The following ASCC3 variants were observed in gnomAD, a reference collection of about 807,000 sequenced individuals.
The protein encoded by ASCC3 is ASC-1 complex subunit P200.
A neutral mutation model predicts 256.3 loss-of-function variants in ASCC3; 158 were observed. The observed-to-expected ratio is 0.62, with a 90% CI of 0.54 to 0.70. The LOEUF (loss-of-function observed/expected upper bound fraction) is 0.70. Among genes scored for constraint, ASCC3 ranks in the 30% least tolerant of loss-of-function variants. The pLI, the probability that ASCC3 is intolerant of heterozygous loss-of-function variation, is 0.00. For missense variants in ASCC3, 2,259 were observed against 2,626.0 expected, an observed-to-expected ratio of 0.86 and a Z score of 3.05; for synonymous variants, 948 against 883.4, an observed-to-expected ratio of 1.07 and a Z score of -1.30.
At chr6:100,773,055 A>AT (rs1188754588) in intron 8 of ASCC3, among the ~76,000 whole-genome samples, 1 of 152,166 alleles carries the variant, frequency 6.6e-6, no homozygotes, top group Non-Finnish European at 1.5e-5. Context: ...ATACCAGAAT[A>AT]TTTTATAGAT....
At chr6:100,592,789 TA>T (rs1413731365) in intron 34 of ASCC3, among the ~76,000 whole-genome samples, 2 of 152,084 alleles carry the variant, frequency 1.3e-5, no homozygotes, top group Non-Finnish European at 2.9e-5. Context: ...AACAGCTAAG[TA>T]AAAAGGTCTG....
rs370669603 is a variant in ASCC3, at chr6:100,784,667, A to T, written c.1395+14046T>A. ...ATTAATACAAAAACATTCTGGAAAG[A>T]TATATATCAAAGAATTCTGCTAAAG... On this transcript the variant is annotated intron_variant, in intron 8 of 41. Coordinates refer to ENST00000369162, the MANE Select transcript of ASCC3 (RefSeq NM_006828.4). 1.3e-3 allele frequency among the ~76,000 whole-genome samples: 203 copies of T among 152,214 alleles called. 6 individuals are homozygous for T. The South Asian group carries it at 0.027, about 20-fold the overall frequency.
chr6:100,742,704 T>C (rs533280742), intron 10 of ASCC3, among the ~76,000 whole-genome samples: 7 of 152,166 alleles, frequency 4.6e-5, no homozygotes, highest in Non-Finnish European at 4.4e-5. Flanking sequence ...TCTAGACCAT[T>C]TGGACTCTCC....
intron 30 of ASCC3, among the ~76,000 whole-genome samples, chr6:100,619,179 T>C (rs1312093847): frequency 6.6e-6 from 1 of 152,200 alleles, no homozygotes; most frequent in Non-Finnish European, 1.5e-5. Flanking sequence ...TCTTTTGAAA[T>C]CACAGACAAA....
At chr6:100,836,642 C>T (rs1038564616) in intron 4 of ASCC3, among the ~76,000 whole-genome samples, 6 of 152,034 alleles carry the variant, frequency 3.9e-5, no homozygotes, top group Non-Finnish European at 7.4e-5. Context: ...ATTTGGATTG[C>T]TAGTACTTTG....
chr6:100,830,018 AG>A (rs2114454345), intron 4 of ASCC3, among the ~76,000 whole-genome samples: 1 of 152,170 alleles, frequency 6.6e-6, no homozygotes, highest in Non-Finnish European at 1.5e-5. Context: ...TTCACGTCCC[AG>A]GCAGGACAGA....
chr6:100,871,511 G>A (rs1383128415), intron 1 of ASCC3, among the ~76,000 whole-genome samples: 1 of 152,068 alleles, frequency 6.6e-6, no homozygotes. Context: ...GTTCACACCT[G>A]TAATCCCAGC....
At chr6:100,537,229 T>A (rs1775204548) in intron 37 of ASCC3, among the ~76,000 whole-genome samples, 1 of 152,176 alleles carries the variant, frequency 6.6e-6, no homozygotes, top group Non-Finnish European at 1.5e-5. Context: ...AGCCTCCTGA[T>A]ATGATACACT....
rs971420409 is a variant in ASCC3 at position 100,798,956 on chromosome 6, T to C, written c.1270-118A>G. ...GGTTTTATAACAAAGCACTGGTAAA[T>C]AAACTTAGCTAATTTAAAAGAAAAC... On this transcript the variant is annotated intron_variant, in intron 7 of 41. Transcript: ENST00000369162. 3 of 929,496 alleles carry C rather than the reference T, an allele frequency of 3.2e-6. No individual in the cohort carries two copies. The African/African-American group carries it at 5.1e-5, about 16-fold the overall frequency. The allele number at this position is 929,496 out of a possible 1,614,324, so 57.6% of individuals were successfully genotyped here. A position where few individuals can be genotyped will look rare whatever the true frequency, so the allele number is the denominator to read the frequency against.
intron 10 of ASCC3, among the ~76,000 whole-genome samples, chr6:100,736,249 A>C (rs996712957): frequency 6.6e-6 from 1 of 152,232 alleles, no homozygotes; most frequent in Non-Finnish European, 1.5e-5. Context: ...TAGGTTTAAA[A>C]AGTTCCTTTT....
chr6:100,632,293 C>T (rs2114868991), intron 25 of ASCC3, among the ~76,000 whole-genome samples: 1 of 148,330 alleles, frequency 6.7e-6, no homozygotes, highest in Middle Eastern at 3.7e-3. Flanking sequence ...ACAATGAAAA[C>T]TATAAAACAT....
At chr6:100,544,904 C>G (rs954416474) in intron 36 of ASCC3, among the ~76,000 whole-genome samples, 2 of 152,058 alleles carry the variant, frequency 1.3e-5, no homozygotes, top group African/African-American at 4.8e-5. Context: ...CGTAAAAATT[C>G]TAAACAAAAT....
chr6:100,668,701 T>C (rs1274634493), intron 14 of ASCC3, among the ~76,000 whole-genome samples: 3 of 151,924 alleles, frequency 2.0e-5, no homozygotes, highest in Non-Finnish European at 2.9e-5. Flanking sequence ...CATCAATGCA[T>C]TAAAACAAAA....
chr6:100,510,330 C>T (rs1165948486), intron 40 of ASCC3: 9 of 530,842 alleles, frequency 1.7e-5, no homozygotes, highest in Admixed American at 1.3e-4. Flanking sequence ...GACACTAGTT[C>T]GTAGTTGTAA....
intron 37 of ASCC3, chr6:100,530,583 T>C: frequency 1.3e-6 from 1 of 788,530 alleles, no homozygotes; most frequent in Admixed American, 1.7e-5. Context: ...CATTAGTGTG[T>C]TGATTATTGC....
At chr6:100,809,506 T>C (rs188042789) in intron 4 of ASCC3, among the ~76,000 whole-genome samples, 7 of 152,110 alleles carry the variant, frequency 4.6e-5, no homozygotes, top group Non-Finnish European at 1.0e-4. Context: ...ATCACTGTTG[T>C]ATATAGTCCG....
At chr6:100,742,510 C>T (rs1780484094) in intron 10 of ASCC3, among the ~76,000 whole-genome samples, 1 of 152,202 alleles carries the variant, frequency 6.6e-6, no homozygotes, top group Non-Finnish European at 1.5e-5. Flanking sequence ...CTGCCCCTAA[C>T]TGCAGGAGCT....
At chr6:100,567,338 T>C (rs1770317799) in intron 36 of ASCC3, among the ~76,000 whole-genome samples, 1 of 152,174 alleles carries the variant, frequency 6.6e-6, no homozygotes, top group Non-Finnish European at 1.5e-5. Flanking sequence ...GTGGATGGCA[T>C]TCCATGACTA....
intron 10 of ASCC3, among the ~76,000 whole-genome samples, chr6:100,753,401 T>G (rs1016592538): frequency 2.0e-5 from 3 of 151,230 alleles, no homozygotes; most frequent in Non-Finnish European, 4.4e-5. Flanking sequence ...TACTTTAGCA[T>G]CCAATGAAAA....
Sources: allele counts gnomAD v4.1 joint callset (sites outside exome capture counted in the v4.1 genomes callset), GRCh38; gene constraint gnomAD v4.1.1; transcripts MANE v1.5; gene names NCBI Gene and HGNC (gene_info 2026-07-23, HGNC 2026-07-21).